The following FOLH1 variants were observed in gnomAD, a reference collection of about 807,000 sequenced individuals.
The protein encoded by FOLH1 is glutamate carboxypeptidase 2.
FOLH1 carries 54 observed loss-of-function variants against 93.9 expected under a neutral mutation model. The observed-to-expected ratio is 0.57, with a 90% confidence interval of 0.46 to 0.72. The LOEUF is 0.72. Ranked by LOEUF, FOLH1 falls within the 30% of genes least tolerant of loss-of-function variation. The probability of loss-of-function intolerance (pLI) is 0.00; values close to 1 mark genes in which losing one functional copy is unlikely to be tolerated. For synonymous variants in FOLH1, 249 were observed against 303.6 expected, an observed-to-expected ratio of 0.82 and a Z score of 1.87; for missense variants, 571 against 892.5, an observed-to-expected ratio of 0.64 and a Z score of 4.59.
intron 8 of FOLH1, 69 bp from the exon 9 acceptor site, chr11:49,175,046 G>C (rs1416297902): frequency 7.0e-7 from 1 of 1,422,578 alleles, no homozygotes. Flanking sequence ...TAAGGTTTAA[G>C]GGAATTTTCC....
chr11:49,181,805 C>T lies in FOLH1; in HGVS notation c.920+1344G>A, dbSNP rs529320240. On this transcript the variant is annotated intron_variant, in intron 7 of 18. Transcript: ENST00000256999. ...GCCCCAAGGAAGAAAGACCAGGGTA[C>T]TTTCTTAATCTGCCCTTAAATTGAA... Among the ~76,000 whole-genome samples the T allele has an allele frequency of 2.0e-5, 3 of 152,222 alleles. 1 individual carries two copies. The South Asian group carries it at 6.2e-4, about 32-fold the overall frequency.
rs1283382603 is a variant in FOLH1 at position 49,189,809 on chromosome 11, T to G, written c.513+2984A>C. Among the ~76,000 whole-genome samples the G allele has an allele frequency of 1.1e-4, 17 of 152,314 alleles. No individual in the cohort carries two copies. In the East Asian group the frequency reaches 1.7e-3, roughly 16 times the overall value. Reference sequence around the variant, plus strand: ...AAGCATACATTATATTAAAAGGTGATAAGTAGTATAGAAAAAATTAAAAAG... The same window carrying G: ...AAGCATACATTATATTAAAAGGTGAGAAGTAGTATAGAAAAAATTAAAAAG... On this transcript the variant is annotated intron_variant, in intron 4 of 18. Coordinates refer to ENST00000256999, the MANE Select transcript of FOLH1 (RefSeq NM_004476.3).
chr11:49,148,746 G>GA lies in FOLH1; in HGVS notation c.1971-16dup. ...ATACTATTGGGCTGAGAAAGAAAATGAATATAATTATAACTTCATGAAAAT... is the reference window on the plus strand; with the variant it reads ...ATACTATTGGGCTGAGAAAGAAAATGAAATATAATTATAACTTCATGAAAAT... On this transcript the variant is annotated splice_polypyrimidine_tract_variant and intron_variant, in intron 17 of 18. Transcript: ENST00000256999. 1 of 1,537,182 alleles carries GA rather than the reference G, an allele frequency of 6.5e-7. No homozygotes were observed. The highest frequency in any genetic ancestry group is 8.8e-7 in the Non-Finnish European group (1 of 1,140,102).
At chr11:49,205,936 G>A (rs202677) in intron 2 of FOLH1, 131 bp downstream of exon 2, 278,029 of 946,602 alleles carry the variant, frequency 0.29, 41,280 homozygotes, top group African/African-American at 0.54. Context: ...CAGATGAAAT[G>A]TGATCCAAGA....
chr11:49,159,906 CT>C (rs71454046), intron 13 of FOLH1, among the ~76,000 whole-genome samples: 12,294 of 144,414 alleles, frequency 0.085, 596 homozygotes, highest in East Asian at 0.19. Flanking sequence ...TTTTCCTTTT[CT>C]TTTTTTTTTT....
intron 4 of FOLH1, among the ~76,000 whole-genome samples, chr11:49,189,177 A>G (rs1293866702): frequency 6.6e-6 from 1 of 152,172 alleles, no homozygotes; most frequent in South Asian, 2.1e-4. Flanking sequence ...TTTCAATACC[A>G]TGAAAAAGCG....
intron 11 of FOLH1, 52 bp from the exon 12 acceptor site, chr11:49,169,310 C>T (rs1241719488): frequency 5.2e-6 from 8 of 1,541,986 alleles, no homozygotes; most frequent in Non-Finnish European, 7.1e-6. Context: ...ACTCCCCCTC[C>T]CCCACAAAAT....
intron 13 of FOLH1, among the ~76,000 whole-genome samples, chr11:49,161,284 A>C (rs886702989): frequency 6.6e-6 from 1 of 152,190 alleles, no homozygotes; most frequent in African/African-American, 2.4e-5. Flanking sequence ...GTCTCTAAGA[A>C]CTTGCCTTAT....
At chr11:49,194,721 G>A (rs1484166251) in intron 3 of FOLH1, among the ~76,000 whole-genome samples, 2 of 151,906 alleles carry the variant, frequency 1.3e-5, no homozygotes, top group East Asian at 3.9e-4. Flanking sequence ...CAATTGACAA[G>A]CAGTGACATA....
intron 12 of FOLH1, 109 bp downstream of exon 12, chr11:49,169,086 C>T: frequency 7.9e-7 from 1 of 1,268,590 alleles, no homozygotes; most frequent in East Asian, 2.4e-5. Context: ...GCAGTAGATT[C>T]CCTAACCACA....
chr11:49,158,877 T>G (rs555511632), intron 13 of FOLH1, among the ~76,000 whole-genome samples: 1 of 152,318 alleles, frequency 6.6e-6, no homozygotes, highest in South Asian at 2.1e-4. Context: ...CATAGGTATT[T>G]TGTTCATTTT....
rs531369704 is a variant in FOLH1, at chr11:49,177,528, C to T, written c.921-1571G>A. The stretch of plus-strand genomic sequence containing the variant: ...CAGAGTCCTCAGCAGAGCTTCCCTT[C>T]TAACAAAAAGCAGCCCAATAAATTA... On this transcript the variant is annotated intron_variant, in intron 7 of 18. Coordinates refer to ENST00000256999, the MANE Select transcript of FOLH1 (RefSeq NM_004476.3). 1.7e-4 allele frequency among the ~76,000 whole-genome samples: 26 copies of T among 152,004 alleles called. 1 individual carries two copies. The South Asian group carries it at 4.8e-3, about 28-fold the overall frequency.
chr11:49,175,860 G>A lies in FOLH1; in HGVS notation c.1018C>T (p.Gln340Ter). The A allele has an allele frequency of 1.9e-6, 3 of 1,612,448 alleles. No individual in the cohort carries two copies. The highest frequency in any genetic ancestry group is 2.5e-6 in the Non-Finnish European group (3 of 1,179,038). ...TTAAAATTAAAATAGTCTCTTAACTGTGTAGAAAAGTTTCCAGTAAAGCCA... is the reference window on the plus strand; with the variant it reads ...TTAAAATTAAAATAGTCTCTTAACTATGTAGAAAAGTTTCCAGTAAAGCCA... ...GPGFTGNFST[Q>*]KVKMHIHSTN... The change falls in exon 8 of 19, where the codon CAA becomes TAA. Residue 340 changes from glutamine to a stop codon, truncating the protein, a stop_gained and splice_region_variant. Coordinates refer to ENST00000256999, the MANE Select transcript of FOLH1 (RefSeq NM_004476.3). LOFTEE classifies it high-confidence loss of function.
intron 1 of FOLH1, among the ~76,000 whole-genome samples, chr11:49,206,505 T>C (rs539223194): frequency 6.6e-6 from 1 of 152,370 alleles, no homozygotes; most frequent in East Asian, 1.9e-4. Flanking sequence ...CGAGATGTTC[T>C]GAAAATGAAG....
chr11:49,198,948 A>G (rs886499474), intron 3 of FOLH1, among the ~76,000 whole-genome samples: 7 of 152,000 alleles, frequency 4.6e-5, no homozygotes, highest in African/African-American at 1.7e-4. Context: ...GTTAACTACT[A>G]TGATTGAGAA....
At chr11:49,207,574 G>A (rs1443911524) in intron 1 of FOLH1, among the ~76,000 whole-genome samples, 1 of 152,016 alleles carries the variant, frequency 6.6e-6, no homozygotes, top group African/African-American at 2.4e-5. Flanking sequence ...GAAATAAAGT[G>A]GCGAAAATCC....
intron 1 of FOLH1, among the ~76,000 whole-genome samples, chr11:49,207,106 C>T (rs1864064421): frequency 6.6e-6 from 1 of 151,950 alleles, no homozygotes; most frequent in Non-Finnish European, 1.5e-5. Context: ...AACAGAAAGA[C>T]TTGGATTAGA....
At chr11:49,174,859 G>C in intron 9 of FOLH1, 33 bp downstream of exon 9, 1 of 1,518,298 alleles carries the variant, frequency 6.6e-7, no homozygotes, top group Non-Finnish European at 9.1e-7. Context: ...ACAGTTACTT[G>C]ATCAATATTT....
At chr11:49,177,963 CA>C (rs5791876) in intron 7 of FOLH1, among the ~76,000 whole-genome samples, 109,501 of 131,462 alleles carry the variant, frequency 0.83, 44,829 homozygotes, top group South Asian at 0.9. Flanking sequence ...AACTCAGTCT[CA>C]AAAAAAAAAA....
Sources: gnomAD v4.1 joint callset for allele counts (sites outside exome capture counted in the v4.1 genomes callset) on GRCh38, gnomAD v4.1.1 for gene constraint, MANE v1.5 for transcripts, NCBI Gene and HGNC (gene_info 2026-07-23, HGNC 2026-07-21) for gene names.